IKBIP: variants seen among roughly 807,000 people sequenced by gnomAD.
The protein encoded by IKBIP is IKBKB interacting protein.
Under a neutral mutation model 31.0 loss-of-function variants are expected in IKBIP, and 28 were observed. That is an observed-to-expected ratio of 0.90 (90% CI 0.67 to 1.24). IKBIP has a LOEUF of 1.24. Among genes scored for constraint, IKBIP ranks in the 50% most tolerant of loss-of-function variants. The pLI, the probability that IKBIP is intolerant of heterozygous loss-of-function variation, is 0.00. For synonymous variants in IKBIP, 164 were observed against 160.3 expected (o/e 1.02, Z -0.17); for missense variants, 453 against 441.9 (o/e 1.03, Z -0.23).
At chr12:98,632,499 AAAAAAAAAAAAAAATATATAT>A (rs1485466203) in intron 2 of IKBIP, among the ~76,000 whole-genome samples, 15 of 64,824 alleles carry the variant, frequency 2.3e-4, no homozygotes, top group African/African-American at 9.4e-4. Context: ...AAAAAAAAAA[AAAAAAAAAAAAAAATATATAT>A]ATATATATAT....
intron 1 of IKBIP, among the ~76,000 whole-genome samples, chr12:98,635,285 T>C (rs1339042415): frequency 6.6e-6 from 1 of 152,140 alleles, no homozygotes; most frequent in Non-Finnish European, 1.5e-5. Context: ...ATTACAGGCA[T>C]GAGCCACTGT....
downstream of IKBIP, among the ~76,000 whole-genome samples, chr12:98,623,560 CTTTTTTTTTTT>C (rs35433597): frequency 4.1e-4 from 26 of 64,196 alleles, no homozygotes; most frequent in African/African-American, 7.7e-4. Context: ...CCTCCTTACA[CTTTTTTTTTTT>C]TTTTTTTTTT....
intron 2 of IKBIP, among the ~76,000 whole-genome samples, chr12:98,630,777 C>G (rs959287556): frequency 2.6e-5 from 4 of 152,154 alleles, no homozygotes; most frequent in Non-Finnish European, 5.9e-5. Context: ...TAAGGTCACA[C>G]AGTTGGGATG....
Position 98,625,943 on chromosome 12 carries a change from C to G in IKBIP, c.1121G>C (p.Gly374Ala). The G allele has an allele frequency of 7.2e-7, 1 of 1,386,792 alleles. No homozygotes were observed. The highest frequency in any genetic ancestry group is 9.6e-7 in the Non-Finnish European group (1 of 1,043,742). 85.9% of individuals were successfully genotyped at this position (1,386,792 alleles called of 1,614,324 possible). ...AATGTCATGAATTTAAAAATCACCA[C>G]CAATTCCTTTATTTTCTATATTATA... ...KEYNIENKGI[G>A]GDF The change falls in exon 3 of 3, where the codon GGT becomes GCT. Residue 374 changes from glycine (G) to alanine (A), a missense_variant. Physicochemically the swap from Gly to Ala is moderately conservative, Grantham distance 60. Transcript: ENST00000299157.
In IKBIP at chr12:98,626,071, A is replaced by G. The variant is rs146039562; in HGVS notation, c.993T>C (p.Asp331=). ...MQKTLEGIQY[D]NSILKMQNEL... is the part of the protein sequence containing the mutation. ...CATTTTGCATCTTTAATATGCTATTATCATACTGAATTCCTTCAAGGGTTT... is the reference window on the plus strand; with the variant it reads ...CATTTTGCATCTTTAATATGCTATTGTCATACTGAATTCCTTCAAGGGTTT... Residue 331 remains aspartate (D), a synonymous_variant, in exon 3 of 3, where the codon GAT becomes GAC. Transcript: ENST00000299157. 159 of 1,598,650 alleles carry G rather than the reference A, an allele frequency of 9.9e-5. No homozygotes were observed. Among genetic ancestry groups the G allele is most frequent in the Non-Finnish European group, 1.3e-4 (153 of 1,172,022 alleles).
At chr12:98,632,246 G>T (rs916759121) in intron 2 of IKBIP, among the ~76,000 whole-genome samples, 2 of 151,486 alleles carry the variant, frequency 1.3e-5, no homozygotes, top group African/African-American at 4.8e-5. Context: ...AGGCAGAAAG[G>T]TCATTTGAGG....
rs1364776767 is a variant in IKBIP, at chr12:98,625,344, A to G, written c.*586T>C. On this transcript the variant is annotated 3_prime_UTR_variant, in exon 3 of 3. Transcript: ENST00000299157. ...AGGCTTTAGAGTTTTCAGAAAGTGC[A>G]TATTAATTCATAGCAAAGGCACCAG... 1.1e-5 allele frequency: 11 copies of G among 962,088 alleles called. No homozygotes were observed. The East Asian group carries it at 1.1e-3, about 100-fold the overall frequency. 59.6% of individuals were successfully genotyped at this position (962,088 alleles called of 1,614,324 possible). A position where few individuals can be genotyped will look rare whatever the true frequency, so the allele number is the denominator to read the frequency against.
intron 1 of IKBIP, among the ~76,000 whole-genome samples, chr12:98,644,051 A>C (rs895216075): frequency 2.0e-5 from 3 of 152,098 alleles, no homozygotes; most frequent in Non-Finnish European, 4.4e-5. Context: ...TCCTGACCTC[A>C]AGTGATCCAC....
chr12:98,613,964 G>T, exon 3 of IKBIP: 1 of 1,613,336 alleles, frequency 6.2e-7, no homozygotes, highest in Non-Finnish European at 8.5e-7. Context: ...GAGCGTTGCT[G>T]TTCGATCAAT....
intron 1 of IKBIP, among the ~76,000 whole-genome samples, chr12:98,641,817 G>C (rs2097630744): frequency 6.6e-6 from 1 of 152,004 alleles, no homozygotes. Flanking sequence ...ACCACACTTG[G>C]CTAATATTTA....
chr12:98,624,398 C>A lies in IKBIP; in HGVS notation c.*1532G>T. 4 of 985,330 alleles carry A rather than the reference C, an allele frequency of 4.1e-6. No individual in the cohort carries two copies. Among genetic ancestry groups the A allele is most frequent in the Non-Finnish European group, 4.8e-6 (4 of 829,888 alleles). 61.0% of individuals were successfully genotyped at this position (985,330 alleles called of 1,614,324 possible). The stretch of plus-strand genomic sequence containing the variant: ...TATGCCCCTTAATAACAGAACTCTC[C>A]AGGCTTATTTTCATGATTCACGCTG... On this transcript the variant is annotated 3_prime_UTR_variant, in exon 3 of 3. Coordinates refer to ENST00000299157, the MANE Select transcript of IKBIP (RefSeq NM_153687.4).
chr12:98,642,518 A>G (rs1434504738), intron 1 of IKBIP, among the ~76,000 whole-genome samples: 1 of 152,166 alleles, frequency 6.6e-6, no homozygotes, highest in Non-Finnish European at 1.5e-5. Flanking sequence ...CCGTTTATTT[A>G]AAACAGTAAA....
intron 2 of IKBIP, among the ~76,000 whole-genome samples, chr12:98,632,824 G>A (rs559094316): frequency 8.1e-4 from 122 of 151,504 alleles, no homozygotes; most frequent in African/African-American, 2.8e-3. Context: ...ACAGGGTTTC[G>A]CCATGTTGGC....
downstream of IKBIP, chr12:98,624,215 G>A (rs888099306): frequency 3.3e-6 from 3 of 916,128 alleles, no homozygotes; most frequent in East Asian, 1.2e-4. Flanking sequence ...CATTTGCCTT[G>A]ACAGGATGGA....
At chr12:98,631,303 T>TG (rs1468464104) in intron 2 of IKBIP, among the ~76,000 whole-genome samples, 1 of 146,940 alleles carries the variant, frequency 6.8e-6, no homozygotes, top group Non-Finnish European at 1.5e-5. Flanking sequence ...TTTTTTGAGA[T>TG]GGAGTCTCAC....
At chr12:98,619,038 T>C (rs2097608097) in intron 2 of IKBIP, among the ~76,000 whole-genome samples, 1 of 152,196 alleles carries the variant, frequency 6.6e-6, no homozygotes, top group Non-Finnish European at 1.5e-5. Flanking sequence ...TTCTCCTCAA[T>C]TGCTTTATGC....
chr12:98,614,987 A>G (rs2097605482), intron 2 of IKBIP, among the ~76,000 whole-genome samples: 1 of 152,220 alleles, frequency 6.6e-6, no homozygotes, highest in Admixed American at 6.5e-5. Flanking sequence ...AGAAGGGAAA[A>G]GGAAGTTTCC....
chr12:98,643,935 C>A (rs1268080224), intron 1 of IKBIP, among the ~76,000 whole-genome samples: 1 of 151,602 alleles, frequency 6.6e-6, no homozygotes, highest in Non-Finnish European at 1.5e-5. Context: ...CCTGCCTCAG[C>A]CTCCGGAGGA....
At chr12:98,616,151 T>A (rs1171435105) in intron 2 of IKBIP, among the ~76,000 whole-genome samples, 1 of 152,154 alleles carries the variant, frequency 6.6e-6, no homozygotes, top group Non-Finnish European at 1.5e-5. Context: ...TCACCAACAC[T>A]TGTTATCTTT....
Sources: allele counts gnomAD v4.1 joint callset (sites outside exome capture counted in the v4.1 genomes callset), GRCh38; gene constraint gnomAD v4.1.1; transcripts MANE v1.5; gene names NCBI Gene and HGNC (gene_info 2026-07-23, HGNC 2026-07-21).